Variants in KSR2 observed in about 807,000 individuals in gnomAD.
KSR2 encodes kinase suppressor of ras 2.
In KSR2, 25 loss-of-function variants were observed where a neutral mutation model predicts 107.8. That is an observed-to-expected ratio of 0.23 (90% CI 0.17 to 0.32). The LOEUF is 0.32. Among genes scored for constraint, KSR2 ranks in the 10% least tolerant of loss-of-function variants. The pLI is 1.00. For synonymous variants in KSR2, 480 were observed against 507.0 expected, an observed-to-expected ratio of 0.95 and a Z score of 0.71; for missense variants, 887 against 1,268.9, an observed-to-expected ratio of 0.70 and a Z score of 4.57.
intron 19 of KSR2, among the ~76,000 whole-genome samples, chr12:117,469,140 G>A (rs1871294669): frequency 6.6e-6 from 1 of 152,218 alleles, no homozygotes; most frequent in Non-Finnish European, 1.5e-5. Flanking sequence ...AAACAAGGGG[G>A]AGGAGCATGG....
At chr12:117,567,803 A>C (rs188338948) in intron 7 of KSR2, among the ~76,000 whole-genome samples, 17 of 143,712 alleles carry the variant, frequency 1.2e-4, no homozygotes, top group Non-Finnish European at 1.6e-4. Context: ...TCTAGAAATG[A>C]CTCCGTACGC....
intron 3 of KSR2, among the ~76,000 whole-genome samples, chr12:117,763,089 G>A (rs1889104960): frequency 6.6e-6 from 1 of 151,042 alleles, no homozygotes; most frequent in Non-Finnish European, 1.5e-5. Context: ...CCCTTCCTGT[G>A]TCCATGTGTT....
intron 3 of KSR2, among the ~76,000 whole-genome samples, chr12:117,766,372 G>C (rs928377433): frequency 6.6e-6 from 1 of 152,178 alleles, no homozygotes; most frequent in Admixed American, 6.5e-5. Context: ...GAGCAGATTC[G>C]TGGTTGCCAG....
chr12:117,960,396 G>T (rs1039886136), intron 1 of KSR2, among the ~76,000 whole-genome samples: 2 of 152,196 alleles, frequency 1.3e-5, no homozygotes, highest in African/African-American at 4.8e-5. Flanking sequence ...CATTAGCAAA[G>T]GTTGCAGAAC....
chr12:117,737,842 C>T (rs565344870), intron 4 of KSR2, among the ~76,000 whole-genome samples: 2 of 135,260 alleles, frequency 1.5e-5, no homozygotes, highest in South Asian at 5.3e-4. Context: ...GCAACGAACA[C>T]ATCTGATGAA....
At chr12:117,624,689 C>T (rs1882373560) in intron 5 of KSR2, among the ~76,000 whole-genome samples, 1 of 152,116 alleles carries the variant, frequency 6.6e-6, no homozygotes, top group South Asian at 2.1e-4. Flanking sequence ...ATTGTCTTGG[C>T]AATGCAGGCC....
chr12:117,848,399 G>T (rs1199783207), intron 3 of KSR2, among the ~76,000 whole-genome samples: 1 of 152,244 alleles, frequency 6.6e-6, no homozygotes, highest in African/African-American at 2.4e-5. Flanking sequence ...TGCTCTTCCT[G>T]CAGCCAAATC....
chr12:117,591,746 G>A (rs373852852), intron 5 of KSR2, among the ~76,000 whole-genome samples: 19 of 151,648 alleles, frequency 1.3e-4, no homozygotes, highest in African/African-American at 2.4e-4. Flanking sequence ...GCTCACGTCC[G>A]TAATCCCAGC....
At chr12:117,502,117 A>G (rs1339427445) in intron 14 of KSR2, among the ~76,000 whole-genome samples, 1 of 152,256 alleles carries the variant, frequency 6.6e-6, no homozygotes, top group Non-Finnish European at 1.5e-5. Context: ...AGGTATTTAC[A>G]TGGGCATTCT....
chr12:117,754,375 C>T (rs1375156816), intron 4 of KSR2, among the ~76,000 whole-genome samples: 2 of 152,144 alleles, frequency 1.3e-5, no homozygotes, highest in East Asian at 3.9e-4. Context: ...TGGTGGCTCA[C>T]ACCTGTAATC....
At position 117,842,397 on chromosome 12, in the gene KSR2, C is replaced by T. The variant is rs775100486; in HGVS notation, c.472+13031G>A. Among the ~76,000 whole-genome samples the T allele has an allele frequency of 3.9e-5, 6 of 152,102 alleles. No homozygotes were observed. Among genetic ancestry groups the T allele is most frequent in the East Asian group, 1.9e-4 (1 of 5,166 alleles). On this transcript the variant is annotated intron_variant, in intron 3 of 19. Transcript: ENST00000339824. The surrounding 1 kb of genome is among the most constrained non-coding windows in gnomAD (Gnocchi z 4.2). ...GGCTGTGCAAAGGCCCTGGGGCAGG[C>T]GTTGTGAAGAAGAGAGGGTAGCTGG...
intron 5 of KSR2, among the ~76,000 whole-genome samples, chr12:117,622,609 T>G (rs1882254046): frequency 6.6e-6 from 1 of 152,146 alleles, no homozygotes; most frequent in Non-Finnish European, 1.5e-5. Flanking sequence ...TAACCCACAC[T>G]GGTTGGAGAG....
At chr12:117,686,215 A>ATTT (rs55772468) in intron 4 of KSR2, among the ~76,000 whole-genome samples, 1,399 of 77,970 alleles carry the variant, frequency 0.018, 144 homozygotes, top group African/African-American at 0.068. Context: ...CACCCAGCTA[A>ATTT]TTTTTTTTTT....
At chr12:117,871,495 C>T (rs1418015021) in intron 1 of KSR2, among the ~76,000 whole-genome samples, 2 of 151,400 alleles carry the variant, frequency 1.3e-5, no homozygotes, top group African/African-American at 4.9e-5. Context: ...GGCTGAGGCA[C>T]GAGAATTGTT....
intron 14 of KSR2, among the ~76,000 whole-genome samples, chr12:117,519,910 C>T (rs536352727): frequency 3.3e-5 from 5 of 152,196 alleles, no homozygotes; most frequent in Non-Finnish European, 5.9e-5. Context: ...TCTAATAGGC[C>T]AGTGGTTCTT....
At chr12:117,792,632 C>T (rs1890294842) in intron 3 of KSR2, among the ~76,000 whole-genome samples, 1 of 152,226 alleles carries the variant, frequency 6.6e-6, no homozygotes, top group African/African-American at 2.4e-5. Context: ...CCCAGCCCCG[C>T]GGCCCCTGCC....
intron 7 of KSR2, among the ~76,000 whole-genome samples, chr12:117,577,387 A>G (rs1368421172): frequency 1.3e-5 from 2 of 152,156 alleles, no homozygotes; most frequent in African/African-American, 4.8e-5. Flanking sequence ...GATTGAGGCC[A>G]GATAGCAAGG....
At chr12:117,786,164 C>CT (rs967141228) in intron 3 of KSR2, among the ~76,000 whole-genome samples, 13 of 150,944 alleles carry the variant, frequency 8.6e-5, no homozygotes, top group Non-Finnish European at 1.2e-4. Context: ...ACTAGAACAT[C>CT]TTTTTTTTTG....
intron 5 of KSR2, among the ~76,000 whole-genome samples, chr12:117,609,129 A>G (rs1881453316): frequency 6.6e-6 from 1 of 152,180 alleles, no homozygotes; most frequent in African/African-American, 2.4e-5. Flanking sequence ...CAGGTGGCCT[A>G]TAGATTTTAT....
Sources: gnomAD v4.1 joint callset for allele counts (sites outside exome capture counted in the v4.1 genomes callset) on GRCh38, gnomAD v4.1.1 for gene constraint, Gnocchi (gnomAD v3.1) non-coding constraint, MANE v1.5 for transcripts, NCBI Gene and HGNC (gene_info 2026-07-23, HGNC 2026-07-21) for gene names.